The following STAT6 variants were observed in gnomAD, a reference collection of about 807,000 sequenced individuals.
STAT6 encodes the protein signal transducer and activator of transcription 6.
Under a neutral mutation model 106.3 loss-of-function variants are expected in STAT6, and 45 were observed. The ratio of observed to expected loss-of-function variants is 0.42; its 90% CI spans 0.33 to 0.54. STAT6 has a LOEUF of 0.54. STAT6 is among the 20% of genes least tolerant of loss of function. The probability of loss-of-function intolerance (pLI) is 0.06; values close to 1 mark genes in which losing one functional copy is unlikely to be tolerated. For synonymous variants in STAT6, 413 were observed against 413.6 expected, an observed-to-expected ratio of 1.00 and a Z score of 0.02; for missense variants, 797 against 1,062.2, an observed-to-expected ratio of 0.75 and a Z score of 3.47.
At chr12:57,102,955 T>C (rs1193765461) in intron 11 of STAT6, 34 bp from the exon 12 acceptor site, 3 of 787,904 alleles carry the variant, frequency 3.8e-6, no homozygotes, top group Non-Finnish European at 3.9e-6. Context: ...TTCTTTTCTT[T>C]CTTTCTTTCC....
chr12:57,108,073 G>C lies in STAT6; in HGVS notation c.116+90C>G, dbSNP rs954903395. The C allele has an allele frequency of 7.0e-6, 6 of 856,122 alleles. No homozygotes were observed. In the African/African-American group the frequency reaches 8.4e-5, roughly 12 times the overall value. The allele number at this position is 856,122 out of a possible 1,614,324, so 53.0% of individuals were successfully genotyped here. On this transcript the variant is annotated intron_variant, in intron 2 of 21. Transcript: ENST00000300134. ...CATGGAATAACAGGTCTCAAGTTCT[G>C]AATCCATGGGTGAGGGGAGAAAAAT... is the stretch of plus-strand genomic sequence containing the variant.
At chr12:57,107,480 C>CT (rs2034347714) in intron 3 of STAT6, 125 bp downstream of exon 3, 1 of 1,375,882 alleles carries the variant, frequency 7.3e-7, no homozygotes, top group African/African-American at 1.4e-5. Flanking sequence ...TGCCTGCTAG[C>CT]TAGCAGTTAA....
chr12:57,098,954 T>A (rs779674733), intron 17 of STAT6, 52 bp from the exon 18 acceptor site: 1 of 1,613,296 alleles, frequency 6.2e-7, no homozygotes, highest in Non-Finnish European at 8.5e-7. Flanking sequence ...ATGCCACCCC[T>A]CCTTCCTGCA....
In STAT6 at chr12:57,098,863, G is replaced by A; in HGVS notation, c.1995C>T (p.Thr665=). Residue 665 remains threonine, a synonymous_variant, in exon 18 of 22, where the codon ACC becomes ACT. Coordinates refer to ENST00000300134, the MANE Select transcript of STAT6 (RefSeq NM_003153.5). ...PLPTPELQMP[T]MVPSYDLGMA... is the part of the protein sequence containing the mutation. Reference sequence around the variant, plus strand: ...TTCCAAGGTCATAAGAAGGCACCATGGTAGGCATCTGGAGCTCTGGGGTAG... The same window carrying A: ...TTCCAAGGTCATAAGAAGGCACCATAGTAGGCATCTGGAGCTCTGGGGTAG... 1.2e-6 allele frequency: 2 copies of A among 1,613,566 alleles called. No homozygotes were observed. The highest frequency in any genetic ancestry group is 1.7e-6 in the Non-Finnish European group (2 of 1,179,834).
chr12:57,099,157 C>T lies in STAT6; in HGVS notation c.1892-79G>A. ...GGAGGTGGAAAAGGTGGGCATGGAT[C>T]ATGGGGAAGTAAGAGAAGCACAGCT... On this transcript the variant is annotated intron_variant, in intron 16 of 21. Coordinates refer to ENST00000300134, the MANE Select transcript of STAT6 (RefSeq NM_003153.5). The surrounding 1 kb of genome is among the most constrained non-coding windows in gnomAD (Gnocchi z 4.7). 5 of 1,600,552 alleles carry T rather than the reference C, an allele frequency of 3.1e-6. No homozygotes were observed. The Admixed American group carries it at 8.3e-5, about 27-fold the overall frequency.
intron 12 of STAT6, 91 bp downstream of exon 12, chr12:57,102,738 C>A: frequency 8.7e-7 from 1 of 1,151,246 alleles, no homozygotes; most frequent in Non-Finnish European, 1.3e-6. Flanking sequence ...CCCATTTAAA[C>A]ATGCCCACCA....
In STAT6 at chr12:57,096,714, T is replaced by A. The variant is rs752330829; in HGVS notation, c.2402A>T (p.Asp801Val). ...FPPLLPPTEQ[D>V]LTKLLLEGQG... The stretch of plus-strand genomic sequence containing the variant: ...CCCCTCCAGGAGAAGCTTAGTGAGG[T>A]CCTGTTCAGTGGGAGGCAGCAGAGG... Residue 801 changes from aspartate to valine, a missense_variant, in exon 22 of 22, where the codon GAC (aspartate) becomes GTC (valine). Around this residue, in one of 4 missense-constraint regions of STAT6, gnomAD observed 226 missense variants for 236.7 expected, o/e 0.95. Coordinates refer to ENST00000300134, the MANE Select transcript of STAT6 (RefSeq NM_003153.5). 4 of 1,611,378 alleles carry A rather than the reference T, an allele frequency of 2.5e-6. No homozygotes were observed. The highest frequency in any genetic ancestry group is 3.4e-6 in the Non-Finnish European group (4 of 1,179,064).
At chr12:57,106,116 C>T in intron 7 of STAT6, 75 bp downstream of exon 7, 3 of 1,591,728 alleles carry the variant, frequency 1.9e-6, no homozygotes, top group African/African-American at 1.3e-5. Context: ...TTCTTTCTCT[C>T]ACCTGTAGGG....
At chr12:57,104,182 C>T in intron 11 of STAT6, 1 of 419,244 alleles carries the variant, frequency 2.4e-6, no homozygotes, top group Non-Finnish European at 4.4e-6. Flanking sequence ...TTGTGAAAAC[C>T]AGACGTGTGT....
At chr12:57,103,238 C>T (rs1021184227) in intron 11 of STAT6, 5 of 196,222 alleles carry the variant, frequency 2.5e-5, no homozygotes, top group Admixed American at 2.2e-4. Flanking sequence ...GATCTTGGCT[C>T]ACTGCAAGCT....
chr12:57,107,585 C>A lies in STAT6; in HGVS notation c.255+20G>T, dbSNP rs745988895. 1 of 1,610,802 alleles carries A rather than the reference C, an allele frequency of 6.2e-7. No homozygotes were observed. Among genetic ancestry groups the A allele is most frequent in the Non-Finnish European group, 8.5e-7 (1 of 1,177,888 alleles). On this transcript the variant is annotated intron_variant, in intron 3 of 21. Coordinates refer to ENST00000300134, the MANE Select transcript of STAT6 (RefSeq NM_003153.5). Reference sequence around the variant, plus strand: ...CAACCTCAGCCCCACCCAGCCTTGTCCCCTCCCCTCCTGCCCCACCTCAAG... The same window carrying A: ...CAACCTCAGCCCCACCCAGCCTTGTACCCTCCCCTCCTGCCCCACCTCAAG...
Position 57,096,406 on chromosome 12 carries a change from C to A in STAT6, c.*166G>T, listed in dbSNP as rs2033427389. 1 of 661,448 alleles carries A rather than the reference C, an allele frequency of 1.5e-6. No individual in the cohort carries two copies. Among genetic ancestry groups the A allele is most frequent in the Admixed American group, 2.7e-5 (1 of 37,184 alleles). The allele number at this position is 661,448 out of a possible 1,614,324, so 41.0% of individuals were successfully genotyped here. On this transcript the variant is annotated 3_prime_UTR_variant, in exon 22 of 22. Coordinates refer to ENST00000300134, the MANE Select transcript of STAT6 (RefSeq NM_003153.5). The stretch of plus-strand genomic sequence containing the variant: ...GAAAGGAAGGAGTGGATTGGCTCCA[C>A]CCACTGTGCATTCTCCTGTTAGTCT...
rs1335844999 is a variant in STAT6 at position 57,099,560 on chromosome 12, C to G, written c.1745-120G>C. 5 of 1,452,796 alleles carry G rather than the reference C, an allele frequency of 3.4e-6. No individual in the cohort carries two copies. The highest frequency in any genetic ancestry group is 3.8e-6 in the Non-Finnish European group (4 of 1,063,426). The allele number at this position is 1,452,796 out of a possible 1,614,324, so 90.0% of individuals were successfully genotyped here. On this transcript the variant is annotated intron_variant, in intron 15 of 21. Transcript: ENST00000300134. The surrounding 1 kb of genome is among the most constrained non-coding windows in gnomAD (Gnocchi z 4.7). ...AAGGGAGAGAGGACCTAGGGTGGGGCTCCTGAGGGAGAGAGACCCACTAGT... is the reference window on the plus strand; with the variant it reads ...AAGGGAGAGAGGACCTAGGGTGGGGGTCCTGAGGGAGAGAGACCCACTAGT...
Position 57,100,030 on chromosome 12 carries a change from T to C in STAT6, c.1573A>G (p.Thr525Ala). The change falls in exon 14 of 22, where the codon ACC (threonine) becomes GCC (alanine). Residue 525 changes from threonine (T) to alanine (A), a missense_variant. Around this residue, in one of 4 missense-constraint regions of STAT6, gnomAD observed 222 missense variants for 354.6 expected, o/e 0.63. Transcript: ENST00000300134. ...WQWFDGVLDL[T>A]KRCLRSYWSD... ...CAGTAGCTCCGGAGACAGCGTTTGG[T>C]GAGGTCCAGGACACCATCAAACCAC... 6.2e-7 allele frequency: 1 copy of C among 1,612,610 alleles called. No individual in the cohort carries two copies. The highest frequency in any genetic ancestry group is 2.2e-5 in the East Asian group (1 of 44,836).
At chr12:57,108,124 G>T in intron 2 of STAT6, 39 bp downstream of exon 2, 1 of 1,311,816 alleles carries the variant, frequency 7.6e-7, no homozygotes, top group Non-Finnish European at 1.1e-6. Context: ...ATGAGTTAGG[G>T]AAGACTTGGG....
Position 57,102,918 on chromosome 12 carries a change from G to A in STAT6, c.1216C>T (p.Leu406=), listed in dbSNP as rs145406233. Residue 406 remains leucine, a synonymous_variant, in exon 12 of 22, where the codon CTG becomes TTG. Transcript: ENST00000300134. ...ACGATGACCACCAGGGGCAGAGACA[G>A]GGCCTGAAGAGGGTGAGGACAGGGG... ...PGKLPIQLQA[L]SLPLVVIVHG... is the part of the protein sequence containing the mutation. 2 of 1,600,376 alleles carry A rather than the reference G, an allele frequency of 1.2e-6. No individual in the cohort carries two copies. Among genetic ancestry groups the A allele is most frequent in the African/African-American group, 2.7e-5 (2 of 73,226 alleles).
intron 13 of STAT6, chr12:57,100,702 GAAAGAAAGAAAGAAAGAA>G (rs1565684709): frequency 0.014 from 764 of 55,776 alleles, 15 homozygotes; most frequent in African/African-American, 0.021. Context: ...GAAAGAAAGA[GAAAGAAAGAAAGAAAGAA>G]AGAAAGAAAG....
At chr12:57,107,202 T>A in intron 4 of STAT6, 29 bp downstream of exon 4, 1 of 1,600,068 alleles carries the variant, frequency 6.2e-7, no homozygotes, top group African/African-American at 1.3e-5. Context: ...GGGGATTGAG[T>A]TGGGGTGGGA....
rs1401823419 is a variant in STAT6 at position 57,102,331 on chromosome 12, C to T, written c.1471G>A (p.Ala491Thr). ...IFNDNSLSME[A>T]FQHRSVSWSQ... ...CAGGACACAGAACGGTGCTGGAAGG[C>T]CTCCATACTGAGGCTGTTGTCATTG... The change falls in exon 13 of 22, where the codon GCC becomes ACC. Residue 491 changes from alanine (A) to threonine (T), a missense_variant. Physicochemically the swap from Ala to Thr is moderately conservative, Grantham distance 58. This residue lies in a region of STAT6 where 222 missense variants were observed against 354.6 expected (regional missense o/e 0.63). Transcript: ENST00000300134. 1.2e-6 allele frequency: 2 copies of T among 1,614,144 alleles called. No individual in the cohort carries two copies. Among genetic ancestry groups the T allele is most frequent in the Non-Finnish European group, 1.7e-6 (2 of 1,180,022 alleles).
Sources: gnomAD v4.1 joint callset for allele counts on GRCh38, gnomAD v4.1.1 for gene constraint, gnomAD v4.1.1 regional missense constraint, Gnocchi (gnomAD v3.1) non-coding constraint, MANE v1.5 for transcripts, NCBI Gene and HGNC (gene_info 2026-07-23, HGNC 2026-07-21) for gene names.